MAP3K13: variants seen among roughly 807,000 people sequenced by gnomAD.
MAP3K13 encodes mitogen-activated protein kinase kinase kinase 13.
A neutral mutation model predicts 104.0 loss-of-function variants in MAP3K13; 52 were observed. That is an observed-to-expected ratio of 0.50 (90% CI 0.40 to 0.63). MAP3K13 has a LOEUF of 0.63. MAP3K13 is among the 20% of genes least tolerant of loss of function. The pLI, the probability that MAP3K13 is intolerant of heterozygous loss-of-function variation, is 0.00. For synonymous variants in MAP3K13, 394 were observed against 442.2 expected, an observed-to-expected ratio of 0.89 and a Z score of 1.37; for missense variants, 914 against 1,218.5, an observed-to-expected ratio of 0.75 and a Z score of 3.72.
intron 10 of MAP3K13, among the ~76,000 whole-genome samples, chr3:185,471,066 T>A (rs766851161): frequency 6.6e-6 from 1 of 152,186 alleles, no homozygotes; most frequent in Non-Finnish European, 1.5e-5. Context: ...GGATGCTTAA[T>A]GATCTCCCAT....
At chr3:185,358,238 C>T (rs111379128), upstream of MAP3K13, among the ~76,000 whole-genome samples, 7 of 151,884 alleles carry the variant, frequency 4.6e-5, no homozygotes, top group African/African-American at 7.3e-5. Flanking sequence ...GCAGCAGGGT[C>T]GAAAAAATGA....
At position 185,461,712 on chromosome 3, in the gene MAP3K13, GCCACCACA is replaced by G. The variant is rs373506604; in HGVS notation, c.1279-1835_1279-1828del. 4.0e-3 allele frequency among the ~76,000 whole-genome samples: 601 copies of G among 152,134 alleles called. 4 individuals are homozygous for G. The highest frequency in any genetic ancestry group is 0.014 in the African/African-American group (572 of 41,484). ...CGAATAGCTGGCATTGCAGGGGCAG[GCCACCACA>G]CCCAGCTAATTTTTGTATTTTTAGT... On this transcript the variant is annotated intron_variant, in intron 7 of 13. Transcript: ENST00000265026.
At chr3:185,399,919 A>G (rs1712692717) in intron 1 of MAP3K13, among the ~76,000 whole-genome samples, 1 of 151,092 alleles carries the variant, frequency 6.6e-6, no homozygotes, top group Non-Finnish European at 1.5e-5. Flanking sequence ...ACACCAGAAA[A>G]CCCTCTGTCA....
intron 1 of MAP3K13, among the ~76,000 whole-genome samples, chr3:185,389,393 A>T (rs1042394624): frequency 1.3e-5 from 2 of 152,162 alleles, no homozygotes; most frequent in Non-Finnish European, 2.9e-5. Flanking sequence ...ACAGAACCTA[A>T]CAGGGGTTAA....
chr3:185,359,946 A>C (rs2108739826), upstream of MAP3K13, among the ~76,000 whole-genome samples: 1 of 152,136 alleles, frequency 6.6e-6, no homozygotes, highest in African/African-American at 2.4e-5. Context: ...TCCTCAAAAA[A>C]AAAAAACTCC....
At chr3:185,371,752 C>G (rs778012913) in intron 1 of MAP3K13, among the ~76,000 whole-genome samples, 6 of 152,150 alleles carry the variant, frequency 3.9e-5, no homozygotes, top group Non-Finnish European at 7.3e-5. Flanking sequence ...CCACCTTAAA[C>G]AGAAGGGAGT....
At position 185,439,124 on chromosome 3, in the gene MAP3K13, T is replaced by C. The variant is rs575058385; in HGVS notation, c.659+1494T>C. On this transcript the variant is annotated intron_variant, in intron 3 of 13. Coordinates refer to ENST00000265026, the MANE Select transcript of MAP3K13 (RefSeq NM_004721.5). ...GAATGGGTTTAAATGAGTACTGAAG[T>C]TGAGTTTTGATTCCCAAACAAGACC... is the stretch of plus-strand genomic sequence containing the variant. Among the ~76,000 whole-genome samples, 11 of 152,042 alleles carry C rather than the reference T, an allele frequency of 7.2e-5. No homozygotes were observed. In the South Asian group the frequency reaches 2.3e-3, roughly 32 times the overall value.
chr3:185,381,213 C>T (rs552490887), intron 1 of MAP3K13, among the ~76,000 whole-genome samples: 2 of 152,244 alleles, frequency 1.3e-5, no homozygotes, highest in East Asian at 1.9e-4. Flanking sequence ...GCACCCACCT[C>T]GGCCTCCCAA....
intron 2 of MAP3K13, among the ~76,000 whole-genome samples, chr3:185,346,641 G>A (rs1722934503): frequency 6.6e-6 from 1 of 152,128 alleles, no homozygotes; most frequent in Non-Finnish European, 1.5e-5. Context: ...GTTTTGCAAA[G>A]TACTGATTAT....
At chr3:185,397,915 C>T (rs1263611965) in intron 1 of MAP3K13, among the ~76,000 whole-genome samples, 1 of 151,898 alleles carries the variant, frequency 6.6e-6, no homozygotes, top group Admixed American at 6.6e-5. Flanking sequence ...TTTGAAAGGT[C>T]GCCTGGTCTG....
chr3:185,435,767 A>C (rs965037174), intron 2 of MAP3K13, among the ~76,000 whole-genome samples: 2 of 152,252 alleles, frequency 1.3e-5, no homozygotes, highest in Non-Finnish European at 2.9e-5. Context: ...TTTATTAAGA[A>C]TCTACAGGAT....
intron 8 of MAP3K13, among the ~76,000 whole-genome samples, chr3:185,465,211 C>T (rs966832435): frequency 6.6e-6 from 1 of 152,120 alleles, no homozygotes; most frequent in African/African-American, 2.4e-5. Flanking sequence ...CTCCTGACCT[C>T]GTGATCCACC....
intron 2 of MAP3K13, among the ~76,000 whole-genome samples, chr3:185,429,474 C>A (rs1050505002): frequency 6.6e-5 from 10 of 151,890 alleles, no homozygotes; most frequent in Non-Finnish European, 1.3e-4. Context: ...AATTTTTTGC[C>A]AGGTGCAGTG....
intron 9 of MAP3K13, 136 bp downstream of exon 9, chr3:185,465,999 G>T: frequency 2.9e-6 from 2 of 697,270 alleles, no homozygotes; most frequent in South Asian, 1.7e-5. Context: ...TCCGGGATGT[G>T]CTATGCACAG....
Position 185,443,463 on chromosome 3 carries a change from C to T in MAP3K13, c.678C>T (p.Ala226=). The part of the protein sequence containing the change: ...IIAFKGVCTQ[A]PCYCIIMEYC... ...TTGGAAGGGGTGTTTGTACTCAGGC[C>T]CCATGTTATTGTATTATCATGGAAT... The change falls in exon 4 of 14, where the codon GCC becomes GCT. Residue 226 remains alanine, a synonymous_variant. Coordinates refer to ENST00000265026, the MANE Select transcript of MAP3K13 (RefSeq NM_004721.5). 4 of 1,612,170 alleles carry T rather than the reference C, an allele frequency of 2.5e-6. No homozygotes were observed. The highest frequency in any genetic ancestry group is 2.5e-6 in the Non-Finnish European group (3 of 1,178,808).
chr3:185,411,659 T>G (rs1028630989), intron 1 of MAP3K13, among the ~76,000 whole-genome samples: 1 of 152,222 alleles, frequency 6.6e-6, no homozygotes, highest in Non-Finnish European at 1.5e-5. Context: ...TAATTTCTAT[T>G]AGTGATTTTT....
rs1000896016 is a variant in MAP3K13, at chr3:185,454,765, G to A, written c.1278+3370G>A. On this transcript the variant is annotated intron_variant, in intron 7 of 13. Coordinates refer to ENST00000265026, the MANE Select transcript of MAP3K13 (RefSeq NM_004721.5). ...TATATCATATATATGAGATATATAT[G>A]ACATATATATGAGATATATACATGA... is the stretch of plus-strand genomic sequence containing the variant. Among the ~76,000 whole-genome samples the A allele has an allele frequency of 6.8e-4, 55 of 81,244 alleles. 3 individuals carry two copies. Among genetic ancestry groups the A allele is most frequent in the Non-Finnish European group, 1.0e-3 (44 of 42,574 alleles). 53.3% of individuals were successfully genotyped at this position (81,244 alleles called of 152,430 possible).
chr3:185,443,688 C>T (rs1715448169), intron 4 of MAP3K13, 52 bp downstream of exon 4: 2 of 1,521,104 alleles, frequency 1.3e-6, no homozygotes, highest in Non-Finnish European at 1.8e-6. Context: ...TTTTGAAATA[C>T]AGAATTTTTA....
intron 3 of MAP3K13, among the ~76,000 whole-genome samples, chr3:185,438,763 G>A (rs920936522): frequency 2.0e-5 from 3 of 152,102 alleles, no homozygotes; most frequent in Non-Finnish European, 4.4e-5. Flanking sequence ...TTTTAATGTT[G>A]CCCTAGGCTT....
Sources: allele counts gnomAD v4.1 joint callset (sites outside exome capture counted in the v4.1 genomes callset), GRCh38; gene constraint gnomAD v4.1.1; transcripts MANE v1.5; gene names NCBI Gene and HGNC (gene_info 2026-07-23, HGNC 2026-07-21).